Variants in LAMC3 observed in about 807,000 individuals in gnomAD.
The protein encoded by LAMC3 is laminin subunit gamma 3.
LAMC3 carries 128 observed loss-of-function variants against 173.8 expected under a neutral mutation model. The ratio of observed to expected loss-of-function variants is 0.74; its 90% CI spans 0.64 to 0.85. The LOEUF (loss-of-function observed/expected upper bound fraction) is 0.85. Among genes scored for constraint, LAMC3 ranks in the 40% least tolerant of loss-of-function variants. The pLI is 0.00. For synonymous variants in LAMC3, 897 were observed against 909.1 expected, an observed-to-expected ratio of 0.99 and a Z score of 0.24; for missense variants, 2,022 against 2,156.0, an observed-to-expected ratio of 0.94 and a Z score of 1.23.
Position 131,061,198 on chromosome 9 carries a change from T to C in LAMC3, c.2322T>C (p.Cys774=), listed in dbSNP as rs1829810330. 6.2e-7 allele frequency: 1 copy of C among 1,609,114 alleles called. No individual in the cohort carries two copies. Among genetic ancestry groups the C allele is most frequent in the Non-Finnish European group, 8.5e-7 (1 of 1,179,760 alleles). The change falls in exon 13 of 28, where the codon TGT becomes TGC. Residue 774 remains cysteine, a synonymous_variant. Coordinates refer to ENST00000361069, the MANE Select transcript of LAMC3 (RefSeq NM_006059.4). ...TTIPESREVV[C]THCPPGQRGR... ...TCCCAGAGAGCCGGGAGGTGGTGTG[T>C]ACCCACTGCCCCCCGGGCCAGAGAG...
chr9:131,022,111 CAGG>C (rs1349764630), intron 1 of LAMC3, among the ~76,000 whole-genome samples: 1 of 152,036 alleles, frequency 6.6e-6, no homozygotes, highest in Admixed American at 6.6e-5. Flanking sequence ...GAAAGGAGGG[CAGG>C]AGAAGGCAGA....
intron 13 of LAMC3, among the ~76,000 whole-genome samples, chr9:131,066,391 T>G (rs1270606496): frequency 6.6e-6 from 1 of 151,690 alleles, no homozygotes; most frequent in Non-Finnish European, 1.5e-5. Context: ...CTAGGGAGGC[T>G]GAGGCAGGAG....
rs375198857 is a variant in LAMC3, at chr9:131,029,198, G to T, written c.678+2609G>T. Among the ~76,000 whole-genome samples, 1 of 152,220 alleles carries T rather than the reference G, an allele frequency of 6.6e-6. No individual in the cohort carries two copies. Among genetic ancestry groups the T allele is most frequent in the Non-Finnish European group, 1.5e-5 (1 of 68,040 alleles). ...CCCTGGATCCAGGGCAAAGGGCCAG[G>T]CCCCTCTTTGGGCAAGCCGAATCCT... On this transcript the variant is annotated intron_variant, in intron 2 of 27. Transcript: ENST00000361069. The surrounding 1 kb of genome is among the most constrained non-coding windows in gnomAD (Gnocchi z 4.6).
intron 20 of LAMC3, among the ~76,000 whole-genome samples, chr9:131,074,840 G>A (rs970609612): frequency 5.3e-5 from 8 of 152,124 alleles, no homozygotes; most frequent in Admixed American, 6.6e-5. Context: ...AATTTCCTAA[G>A]GACACACAGC....
chr9:131,069,613 C>G (rs1830002979), intron 16 of LAMC3, 59 bp from the exon 17 acceptor site: 2 of 1,543,442 alleles, frequency 1.3e-6, no homozygotes, highest in Non-Finnish European at 8.8e-7. Flanking sequence ...CCTCTAAACC[C>G]AGCACGCACT....
intron 1 of LAMC3, among the ~76,000 whole-genome samples, chr9:131,024,365 C>T (rs1347473630): frequency 1.3e-5 from 2 of 152,070 alleles, no homozygotes; most frequent in Non-Finnish European, 2.9e-5. Flanking sequence ...AGGCTGGTCT[C>T]GAACTCCTGA....
At position 131,009,251 on chromosome 9, in the gene LAMC3, C is replaced by T; in HGVS notation, c.37C>T (p.Leu13=). The change falls in exon 1 of 28, where the codon CTG becomes TTG. Residue 13 remains leucine (L), a synonymous_variant. Transcript: ENST00000361069. This position sits in a 1 kb window ranked among gnomAD's most constrained non-coding sequence, Gnocchi z 4.3. ...TGCGCTTCTGCTGGGGCTGGCGCTGCTGGCACCGCGGGCGGCCGGCGCGGG... is the reference window on the plus strand; with the variant it reads ...TGCGCTTCTGCTGGGGCTGGCGCTGTTGGCACCGCGGGCGGCCGGCGCGGG... ...AAALLLGLAL[L]APRAAGAGMG... is the part of the protein sequence containing the mutation. 7.7e-7 allele frequency: 1 copy of T among 1,291,062 alleles called. No homozygotes were observed. The allele number at this position is 1,291,062 out of a possible 1,614,324, so 80.0% of individuals were successfully genotyped here. A position where few individuals can be genotyped will look rare whatever the true frequency, so the allele number is the denominator to read the frequency against.
rs772723882 is a variant in LAMC3 at position 131,049,111 on chromosome 9, G to C, written c.1611G>C (p.Glu537Asp). The C allele has an allele frequency of 7.7e-5, 120 of 1,550,898 alleles. No homozygotes were observed. Among genetic ancestry groups the C allele is most frequent in the Non-Finnish European group, 1.0e-4 (116 of 1,146,190 alleles). ...PNGVLLSPED[E>D]EELTAPEKFL... is the part of the protein sequence containing the mutation. Reference sequence around the variant, plus strand: ...GGGTCCTCCTGAGCCCAGAAGACGAGGAGGAGCTCACAGCACCAGGTACCT... The same window carrying C: ...GGGTCCTCCTGAGCCCAGAAGACGACGAGGAGCTCACAGCACCAGGTACCT... The change falls in exon 9 of 28, where the codon GAG (glutamate) becomes GAC (aspartate). Residue 537 changes from glutamate (E) to aspartate (D), a missense_variant. Physicochemically the swap from Glu to Asp is conservative, Grantham distance 45 (BLOSUM62 2). Transcript: ENST00000361069.
intron 24 of LAMC3, among the ~76,000 whole-genome samples, chr9:131,083,780 C>T (rs62581473): frequency 0.015 from 2,130 of 145,994 alleles, 27 homozygotes; most frequent in Middle Eastern, 0.052. Context: ...CTGGATGGAA[C>T]AATTCTATAA....
In LAMC3 at chr9:131,087,537, G is replaced by A. The variant is rs1471909858; in HGVS notation, c.4292G>A (p.Ser1431Asn). The A allele has an allele frequency of 6.2e-7, 1 of 1,613,738 alleles. No homozygotes were observed. Among genetic ancestry groups the A allele is most frequent in the Non-Finnish European group, 8.5e-7 (1 of 1,180,028 alleles). Reference sequence around the variant, plus strand: ...CACCGCCGTGCCAGCAGGCTCACCAGCCAGACGCAAGCCACGCTCCAACAG... The same window carrying A: ...CACCGCCGTGCCAGCAGGCTCACCAACCAGACGCAAGCCACGCTCCAACAG... ...QAHRRASRLT[S>N]QTQATLQQAS... Residue 1431 changes from serine (S) to asparagine (N), a missense_variant, in exon 26 of 28, where the codon AGC (serine) becomes AAC (asparagine). Physicochemically the swap from Ser to Asn is conservative, Grantham distance 46. Transcript: ENST00000361069.
At chr9:131,065,112 G>A (rs976207097) in intron 13 of LAMC3, among the ~76,000 whole-genome samples, 4 of 151,924 alleles carry the variant, frequency 2.6e-5, no homozygotes, top group South Asian at 2.1e-4. Flanking sequence ...TCACCTCCAG[G>A]GGACCATGGC....
chr9:131,028,789 G>A (rs1260555259), intron 2 of LAMC3, among the ~76,000 whole-genome samples: 5 of 152,226 alleles, frequency 3.3e-5, no homozygotes, highest in African/African-American at 4.8e-5. Flanking sequence ...GACAGTGTGC[G>A]TAGAGTACTG....
At chr9:131,011,438 AACTGAGTCAGCTCCACCTCAGC>A in intron 1 of LAMC3, among the ~76,000 whole-genome samples, 1 of 152,320 alleles carries the variant, frequency 6.6e-6, no homozygotes, top group Non-Finnish European at 1.5e-5. Flanking sequence ...GCCACCCATC[AACTGAGTCAGCTCCACCTCAGC>A]CTGGTGACAG....
At chr9:131,013,780 C>G (rs1588134877) in intron 1 of LAMC3, among the ~76,000 whole-genome samples, 1 of 152,300 alleles carries the variant, frequency 6.6e-6, no homozygotes, top group African/African-American at 2.4e-5. Flanking sequence ...CGAGAAGACG[C>G]TGGGGTCTGG....
chr9:131,069,649 C>T lies in LAMC3; in HGVS notation c.2891-23C>T, dbSNP rs765834549. 1.9e-5 allele frequency: 31 copies of T among 1,591,708 alleles called. 1 individual carries two copies. Among genetic ancestry groups the T allele is most frequent in the South Asian group, 1.6e-4 (14 of 87,716 alleles). ...GCCCCTGGCCCCTCTAAACCCAGCA[C>T]GCACTGCCCCTGGCCCCTCTAGCCT... is the stretch of plus-strand genomic sequence containing the variant. On this transcript the variant is annotated intron_variant, in intron 16 of 27. Transcript: ENST00000361069.
chr9:131,070,752 TCCC>T (rs758472315), intron 17 of LAMC3, among the ~76,000 whole-genome samples: 1 of 151,802 alleles, frequency 6.6e-6, no homozygotes, highest in Non-Finnish European at 1.5e-5. Context: ...TATCACATAA[TCCC>T]CCACTGTGAA....
At position 131,069,171 on chromosome 9, in the gene LAMC3, C is replaced by T. The variant is rs893467904; in HGVS notation, c.2890+121C>T. 3.4e-6 allele frequency: 4 copies of T among 1,183,752 alleles called. No homozygotes were observed. In the East Asian group the frequency reaches 7.2e-5, roughly 21 times the overall value. 73.3% of individuals were successfully genotyped at this position (1,183,752 alleles called of 1,614,324 possible). A position where few individuals can be genotyped will look rare whatever the true frequency, so the allele number is the denominator to read the frequency against. On this transcript the variant is annotated intron_variant, in intron 16 of 27. Transcript: ENST00000361069. ...AGGATCGTCAGACATGGGACAGGGTCCCGAGAGCAGCCGGAAGCATGGAGC... is the reference window on the plus strand; with the variant it reads ...AGGATCGTCAGACATGGGACAGGGTTCCGAGAGCAGCCGGAAGCATGGAGC...
At chr9:131,028,829 AT>A (rs148488871) in intron 2 of LAMC3, among the ~76,000 whole-genome samples, 3 of 151,720 alleles carry the variant, frequency 2.0e-5, no homozygotes, top group African/African-American at 4.8e-5. Flanking sequence ...TTTTTTAATA[AT>A]TTTTTTTTCT....
At chr9:131,075,456 C>T (rs773209965) in intron 20 of LAMC3, among the ~76,000 whole-genome samples, 13 of 148,832 alleles carry the variant, frequency 8.7e-5, no homozygotes, top group African/African-American at 1.2e-4. Flanking sequence ...CCCAGCTACT[C>T]GGGAGGCTGA....
Sources: gnomAD v4.1 joint callset for allele counts (sites outside exome capture counted in the v4.1 genomes callset) on GRCh38, gnomAD v4.1.1 for gene constraint, Gnocchi (gnomAD v3.1) non-coding constraint, MANE v1.5 for transcripts, NCBI Gene and HGNC (gene_info 2026-07-23, HGNC 2026-07-21) for gene names.